Variants in CASZ1 observed in about 807,000 individuals in gnomAD.
The protein encoded by CASZ1 is castor zinc finger 1.
In CASZ1, 28 loss-of-function variants were observed where a neutral mutation model predicts 135.2. That is an observed-to-expected ratio of 0.21 (90% CI 0.15 to 0.28). The LOEUF (loss-of-function observed/expected upper bound fraction) is 0.28, where lower values mean the gene tolerates loss of function less well. Ranked by LOEUF, CASZ1 falls within the 10% of genes least tolerant of loss-of-function variation. CASZ1 has a pLI of 1.00. For synonymous variants in CASZ1, 1,068 were observed against 1,073.4 expected (o/e 0.99, Z 0.10); for missense variants, 2,161 against 2,453.3 (o/e 0.88, Z 2.52).
intron 4 of CASZ1, among the ~76,000 whole-genome samples, chr1:10,678,004 G>A (rs916672465): frequency 3.9e-5 from 6 of 152,236 alleles, no homozygotes; most frequent in Non-Finnish European, 7.3e-5. Flanking sequence ...GTGGCAGGAG[G>A]GGACCTTTCT....
rs1305320427 is a variant in CASZ1, at chr1:10,647,956, G to A, written c.3342C>T (p.Pro1114=). Residue 1114 remains proline (P), a synonymous_variant, in exon 16 of 21, where the codon CCC becomes CCT. Transcript: ENST00000377022. The surrounding 1 kb of genome is among the most constrained non-coding windows in gnomAD (Gnocchi z 4.9). ...APSPASVPST[P]TLLAWKQLAS... is the part of the protein sequence containing the mutation. Reference sequence around the variant, plus strand: ...CCAGCTGCTTCCAGGCGAGCAGGGTGGGGGTGGAGGGCACGGAGGCCGGGC... The same window carrying A: ...CCAGCTGCTTCCAGGCGAGCAGGGTAGGGGTGGAGGGCACGGAGGCCGGGC... The A allele has an allele frequency of 6.8e-6, 11 of 1,611,588 alleles. No homozygotes were observed. Among genetic ancestry groups the A allele is most frequent in the Non-Finnish European group, 9.3e-6 (11 of 1,178,634 alleles).
In CASZ1 at chr1:10,657,742, C is replaced by T. The variant is rs1012568562; in HGVS notation, c.1409+766G>A. ...GGGCGGGAGGAACCTGGAAGATCTG[C>T]GGACAGACAGGCGCCAGCCGCTGGG... On this transcript the variant is annotated intron_variant, in intron 7 of 20. Transcript: ENST00000377022. The surrounding 1 kb of genome is among the most constrained non-coding windows in gnomAD (Gnocchi z 5.7). Among the ~76,000 whole-genome samples, 5 of 132,078 alleles carry T rather than the reference C, an allele frequency of 3.8e-5. No individual in the cohort carries two copies. The highest frequency in any genetic ancestry group is 2.6e-4 in the South Asian group (1 of 3,892). The allele number at this position is 132,078 out of a possible 152,430, so 86.6% of individuals were successfully genotyped here. A position where few individuals can be genotyped will look rare whatever the true frequency, so the allele number is the denominator to read the frequency against.
At position 10,726,009 on chromosome 1, in the gene CASZ1, C is replaced by G. The variant is rs1382551079; in HGVS notation, c.-76-20465G>C. 6.6e-6 allele frequency among the ~76,000 whole-genome samples: 1 copy of G among 152,140 alleles called. No homozygotes were observed. Among genetic ancestry groups the G allele is most frequent in the Non-Finnish European group, 1.5e-5 (1 of 68,032 alleles). ...ATGGTAATAGCAATAATAATGACAGCTAGCATTTGCTGAGCAGTCACTATC... is the reference window on the plus strand; with the variant it reads ...ATGGTAATAGCAATAATAATGACAGGTAGCATTTGCTGAGCAGTCACTATC... On this transcript the variant is annotated intron_variant, in intron 2 of 20. Coordinates refer to ENST00000377022, the MANE Select transcript of CASZ1 (RefSeq NM_001079843.3). This position sits in a 1 kb window ranked among gnomAD's most constrained non-coding sequence, Gnocchi z 5.7.
rs538819781 is a variant in CASZ1, at chr1:10,666,268, G to A, written c.17-697C>T. On this transcript the variant is annotated intron_variant, in intron 4 of 20. Coordinates refer to ENST00000377022, the MANE Select transcript of CASZ1 (RefSeq NM_001079843.3). The surrounding 1 kb of genome is among the most constrained non-coding windows in gnomAD (Gnocchi z 5.2). ...TCTCCCAGCCACTCAGGACCCTCCC[G>A]AAGGCCTCCGTGTTCCTCAGTCTCC... Among the ~76,000 whole-genome samples, 13 of 152,140 alleles carry A rather than the reference G, an allele frequency of 8.5e-5. No homozygotes were observed. Among genetic ancestry groups the A allele is most frequent in the African/African-American group, 2.4e-4 (10 of 41,434 alleles).
At position 10,757,965 on chromosome 1, in the gene CASZ1, T is replaced by C. The variant is rs1022933564; in HGVS notation, c.-77+2736A>G. Among the ~76,000 whole-genome samples the C allele has an allele frequency of 1.3e-5, 2 of 152,192 alleles. No individual in the cohort carries two copies. Among genetic ancestry groups the C allele is most frequent in the Non-Finnish European group, 2.9e-5 (2 of 68,030 alleles). On this transcript the variant is annotated intron_variant, in intron 2 of 20. Coordinates refer to ENST00000377022, the MANE Select transcript of CASZ1 (RefSeq NM_001079843.3). The surrounding 1 kb of genome is among the most constrained non-coding windows in gnomAD (Gnocchi z 4.6). ...ATCCACGTCCTGGCCACTCTGCCTT[T>C]CTTTCCAGTCACTGGATGCACTGAG... is the stretch of plus-strand genomic sequence containing the variant.
At position 10,666,906 on chromosome 1, in the gene CASZ1, C is replaced by T. The variant is rs917282450; in HGVS notation, c.17-1335G>A. On this transcript the variant is annotated intron_variant, in intron 4 of 20. Transcript: ENST00000377022. This position sits in a 1 kb window ranked among gnomAD's most constrained non-coding sequence, Gnocchi z 5.2. ...ACCCTGTGGTGGGGCTTGGGGACAG[C>T]GCAGTGGCCACAGCAGCAGGGGCTC... is the stretch of plus-strand genomic sequence containing the variant. Among the ~76,000 whole-genome samples the T allele has an allele frequency of 4.6e-5, 7 of 152,232 alleles. No individual in the cohort carries two copies. Among genetic ancestry groups the T allele is most frequent in the South Asian group, 4.1e-4 (2 of 4,836 alleles).
intron 18 of CASZ1, among the ~76,000 whole-genome samples, chr1:10,644,466 C>T (rs1416615086): frequency 6.6e-6 from 1 of 152,186 alleles, no homozygotes; most frequent in Non-Finnish European, 1.5e-5. Flanking sequence ...CACAGCTGTC[C>T]CTCCATAAAT....
chr1:10,731,265 G>C (rs930088930), intron 2 of CASZ1, among the ~76,000 whole-genome samples: 1 of 151,850 alleles, frequency 6.6e-6, no homozygotes, highest in African/African-American at 2.4e-5. Context: ...AACATAGTGA[G>C]ATCCCATCTT....
rs1367265060 is a variant in CASZ1, at chr1:10,694,569, A to G, written c.-23-657T>C. On this transcript the variant is annotated intron_variant, in intron 3 of 20. Transcript: ENST00000377022. This position sits in a 1 kb window ranked among gnomAD's most constrained non-coding sequence, Gnocchi z 6.6. ...GCCCGCGCCGGCCCCGGCAGGTGAA[A>G]GAGCAGAGCGCGGCCCCGCCGCCGC... 1 of 135,822 alleles carries G rather than the reference A, an allele frequency of 7.4e-6. No individual in the cohort carries two copies. The highest frequency in any genetic ancestry group is 2.3e-4 in the East Asian group (1 of 4,396). The allele number at this position is 135,822 out of a possible 1,614,324, so 8.4% of individuals were successfully genotyped here.
Position 10,649,370 on chromosome 1 carries a change from G to A in CASZ1, c.2948C>T (p.Ala983Val). 6.2e-7 allele frequency: 1 copy of A among 1,606,728 alleles called. No homozygotes were observed. Among genetic ancestry groups the A allele is most frequent in the African/African-American group, 1.3e-5 (1 of 74,912 alleles). Residue 983 changes from alanine (A) to valine (V), a missense_variant, in exon 14 of 21, where the codon GCT (alanine) becomes GTT (valine). Coordinates refer to ENST00000377022, the MANE Select transcript of CASZ1 (RefSeq NM_001079843.3). ...NIKAEAEGSP[A>V]AEPSPFLGKA... ...GCCTAGGAAGGGCGAGGGCTCCGCAGCGGGGCTCCCCTCCGCTTCCGCCTT... is the reference window on the plus strand; with the variant it reads ...GCCTAGGAAGGGCGAGGGCTCCGCAACGGGGCTCCCCTCCGCTTCCGCCTT...
At chr1:10,693,617 C>G (rs997323632) in intron 4 of CASZ1, among the ~76,000 whole-genome samples, 1 of 152,018 alleles carries the variant, frequency 6.6e-6, no homozygotes, top group Non-Finnish European at 1.5e-5. Context: ...CTGGGTGCCC[C>G]CCAGCTCCTG....
chr1:10,762,789 C>T lies in CASZ1; in HGVS notation c.-233-1932G>A, dbSNP rs1360494955. On this transcript the variant is annotated intron_variant, in intron 1 of 20. Transcript: ENST00000377022. This position sits in a 1 kb window ranked among gnomAD's most constrained non-coding sequence, Gnocchi z 4.1. ...TCTACCTCCCCAACTCCAGGCAAGG[C>T]GCTGGCAAGACCAGGGGCTGACCAC... 6.6e-6 allele frequency among the ~76,000 whole-genome samples: 1 copy of T among 152,144 alleles called. No individual in the cohort carries two copies. Among genetic ancestry groups the T allele is most frequent in the East Asian group, 1.9e-4 (1 of 5,182 alleles).
chr1:10,759,658 C>T lies in CASZ1; in HGVS notation c.-77+1043G>A, dbSNP rs921200275. ...GCACCAAGGCTCCCGTCTCTGCAAG[C>T]GCTTCCTCCCTGCAAGTTCGAAGTC... On this transcript the variant is annotated intron_variant, in intron 2 of 20. Coordinates refer to ENST00000377022, the MANE Select transcript of CASZ1 (RefSeq NM_001079843.3). The surrounding 1 kb of genome is among the most constrained non-coding windows in gnomAD (Gnocchi z 4.2). 2.6e-5 allele frequency among the ~76,000 whole-genome samples: 4 copies of T among 152,212 alleles called. No individual in the cohort carries two copies. Among genetic ancestry groups the T allele is most frequent in the Non-Finnish European group, 4.4e-5 (3 of 68,030 alleles).
rs1640224872 is a variant in CASZ1 at position 10,755,086 on chromosome 1, C to G, written c.-77+5615G>C. On this transcript the variant is annotated intron_variant, in intron 2 of 20. Transcript: ENST00000377022. The surrounding 1 kb of genome is among the most constrained non-coding windows in gnomAD (Gnocchi z 4.3). ...AGGTGGTGAGTGGAAGGGGAGCGAC[C>G]CCCAGGCCTGAAGGGCAGAGAGCAA... is the stretch of plus-strand genomic sequence containing the variant. 6.6e-6 allele frequency among the ~76,000 whole-genome samples: 1 copy of G among 152,152 alleles called. No homozygotes were observed. The highest frequency in any genetic ancestry group is 2.4e-5 in the African/African-American group (1 of 41,436).
At chr1:10,672,209 C>CG (rs1643426148) in intron 4 of CASZ1, among the ~76,000 whole-genome samples, 1 of 143,688 alleles carries the variant, frequency 7.0e-6, no homozygotes, top group African/African-American at 2.6e-5. Context: ...CTTCTCCCCC[C>CG]TCCCCCCGCC....
intron 3 of CASZ1, among the ~76,000 whole-genome samples, chr1:10,702,163 C>A (rs975134530): frequency 2.0e-5 from 3 of 152,222 alleles, no homozygotes; most frequent in Non-Finnish European, 4.4e-5. Context: ...TCCTTGCCTG[C>A]TGGGAGGAGC....
At position 10,741,790 on chromosome 1, in the gene CASZ1, T is replaced by TTATATTTTTATATATA. The variant is rs1553138511; in HGVS notation, c.-77+18910_-77+18911insTATATATAAAAATATA. ...CTTTACAAACGACTTTTATACATAT[T>TTATATTTTTATATATA]TATATATATATATAGTTATATATTA... is the stretch of plus-strand genomic sequence containing the variant. On this transcript the variant is annotated intron_variant, in intron 2 of 20. Transcript: ENST00000377022. The surrounding 1 kb of genome is among the most constrained non-coding windows in gnomAD (Gnocchi z 5.0). Among the ~76,000 whole-genome samples the TTATATTTTTATATATA allele has an allele frequency of 4.1e-3, 627 of 151,274 alleles. 26 individuals are homozygous for TTATATTTTTATATATA. The East Asian group carries it at 0.11, about 25-fold the overall frequency.
chr1:10,742,469 G>A (rs975915784), intron 2 of CASZ1, among the ~76,000 whole-genome samples: 7 of 152,176 alleles, frequency 4.6e-5, no homozygotes, highest in Non-Finnish European at 7.4e-5. Flanking sequence ...AGCCAGGCCT[G>A]AGTCCATTCT....
Position 10,725,349 on chromosome 1 carries a change from G to A in CASZ1, c.-76-19805C>T, listed in dbSNP as rs1375235182. 1.4e-5 allele frequency among the ~76,000 whole-genome samples: 2 copies of A among 142,718 alleles called. No individual in the cohort carries two copies. The highest frequency in any genetic ancestry group is 2.2e-4 in the East Asian group (1 of 4,584). 93.6% of individuals were successfully genotyped at this position (142,718 alleles called of 152,430 possible). A position where few individuals can be genotyped will look rare whatever the true frequency, so the allele number is the denominator to read the frequency against. The stretch of plus-strand genomic sequence containing the variant: ...TGGCTGTCAGCTGAGCTCCCCTCCC[G>A]CCCTCCCTCTCCGGCAGGCTCCTCT... On this transcript the variant is annotated intron_variant, in intron 2 of 20. Coordinates refer to ENST00000377022, the MANE Select transcript of CASZ1 (RefSeq NM_001079843.3). This position sits in a 1 kb window ranked among gnomAD's most constrained non-coding sequence, Gnocchi z 4.4.
Sources: allele counts gnomAD v4.1 joint callset (sites outside exome capture counted in the v4.1 genomes callset), GRCh38; gene constraint gnomAD v4.1.1; non-coding constraint Gnocchi (gnomAD v3.1); transcripts MANE v1.5; gene names NCBI Gene and HGNC (gene_info 2026-07-23, HGNC 2026-07-21).